The following POLA1 variants were observed in gnomAD, a reference collection of about 807,000 sequenced individuals.
POLA1 encodes the protein DNA polymerase alpha 1, catalytic subunit, also known as DNA polymerase alpha catalytic subunit.
In POLA1, 15 loss-of-function variants were observed where a neutral mutation model predicts 124.0. The observed-to-expected ratio is 0.12, with a 90% confidence interval of 0.08 to 0.19. The LOEUF is 0.19. Ranked by LOEUF, POLA1 falls within the 10% of genes least tolerant of loss-of-function variation. POLA1 has a pLI of 1.00. For missense variants in POLA1, 886 were observed against 1,103.4 expected (o/e 0.80, Z 2.79); for synonymous variants, 408 against 389.4 (o/e 1.05, Z -0.56).
At chrX:24,930,281 GCTATAT>G (rs1454656025) in intron 35 of POLA1, among the ~76,000 whole-genome samples, 166 bp from the exon 36 acceptor site, 2 of 111,924 alleles carry the variant, frequency 1.8e-5, no homozygotes, top group Non-Finnish European at 3.8e-5. Flanking sequence ...AGGTGTATAT[GCTATAT>G]AAGAGGGACA....
chrX:24,841,396 T>C (rs1195164074), intron 32 of POLA1, among the ~76,000 whole-genome samples: 1 of 112,253 alleles, frequency 8.9e-6, no homozygotes, highest in African/African-American at 3.2e-5. Flanking sequence ...AAGAGAATAA[T>C]AAAAAACATC....
intron 15 of POLA1, among the ~76,000 whole-genome samples, chrX:24,728,664 G>A (rs1386548825): frequency 9.0e-6 from 1 of 111,674 alleles, no homozygotes; most frequent in Non-Finnish European, 1.9e-5. Flanking sequence ...TTGCTTTGTT[G>A]TGGTGTCATT....
intron 34 of POLA1, among the ~76,000 whole-genome samples, chrX:24,884,151 TAAAA>T (rs1044319387): frequency 9.0e-6 from 1 of 111,505 alleles, no homozygotes; most frequent in African/African-American, 3.3e-5. Flanking sequence ...TTATTTTTAT[TAAAA>T]AAAATTTTTT....
chrX:24,722,796 G>A (rs1432290389), intron 10 of POLA1, among the ~76,000 whole-genome samples: 2 of 111,819 alleles, frequency 1.8e-5, no homozygotes, highest in Admixed American at 9.4e-5. Context: ...CAAGCGATCT[G>A]CCCACCTCGG....
At chrX:24,981,416 C>A (rs746248867) in intron 36 of POLA1, among the ~76,000 whole-genome samples, 2 of 112,322 alleles carry the variant, frequency 1.8e-5, no homozygotes, top group Admixed American at 9.4e-5. Context: ...TGCCATCAAA[C>A]CAAATTTGCT....
intron 35 of POLA1, among the ~76,000 whole-genome samples, chrX:24,902,334 C>T (rs1295518467): frequency 9.0e-6 from 1 of 111,691 alleles, no homozygotes; most frequent in Non-Finnish European, 1.9e-5. Flanking sequence ...GCTTCTGCTT[C>T]GAAGGTAGAG....
chrX:24,835,110 C>T (rs1391397464), intron 32 of POLA1, among the ~76,000 whole-genome samples: 4 of 107,438 alleles, frequency 3.7e-5, no homozygotes, highest in African/African-American at 1.4e-4. Context: ...TGCAGTGGTG[C>T]GATCTCGGAT....
intron 26 of POLA1, among the ~76,000 whole-genome samples, chrX:24,772,899 A>G (rs965759070): frequency 8.9e-6 from 1 of 112,026 alleles, no homozygotes; most frequent in Non-Finnish European, 1.9e-5. Context: ...TTGCAGCACT[A>G]TTCACAATAG....
chrX:24,967,528 G>A (rs939062798), intron 36 of POLA1, among the ~76,000 whole-genome samples: 1 of 110,089 alleles, frequency 9.1e-6, no homozygotes, highest in Non-Finnish European at 1.9e-5. Context: ...AGTTGCAGTC[G>A]TGCATGCCTG....
intron 34 of POLA1, among the ~76,000 whole-genome samples, chrX:24,883,651 G>A (rs1191144230): frequency 8.9e-6 from 1 of 112,157 alleles, no homozygotes; most frequent in African/African-American, 3.2e-5. Context: ...TTTGGTAAAG[G>A]TTTGTTTTGC....
In POLA1 at chrX:24,971,407, C is replaced by G. The variant is rs189500563; in HGVS notation, c.4262-24398C>G. On this transcript the variant is annotated intron_variant, in intron 36 of 36. Coordinates refer to ENST00000379068, the MANE Select transcript of POLA1 (RefSeq NM_001330360.2). ...CTCATCAAAACTGCAAGAAAGAAAG[C>G]CTCTTTTGATGAGCAGTTGTACTAC... Among the ~76,000 whole-genome samples the G allele has an allele frequency of 4.4e-5, 5 of 112,778 alleles. No homozygotes were observed. The Admixed American group carries it at 4.7e-4, about 10-fold the overall frequency.
intron 36 of POLA1, among the ~76,000 whole-genome samples, chrX:24,964,130 A>G (rs1431565006): frequency 8.9e-6 from 1 of 112,028 alleles, no homozygotes; most frequent in Non-Finnish European, 1.9e-5. Flanking sequence ...TTCTTGAAAA[A>G]TAGTTGAACA....
intron 34 of POLA1, among the ~76,000 whole-genome samples, chrX:24,854,310 A>G (rs920742440): frequency 9.0e-6 from 1 of 110,729 alleles, no homozygotes. Flanking sequence ...TCAACCTCCC[A>G]AAGTGCTGGG....
intron 32 of POLA1, among the ~76,000 whole-genome samples, chrX:24,835,052 T>C (rs1204148122): frequency 9.2e-6 from 1 of 108,558 alleles, no homozygotes; most frequent in East Asian, 2.9e-4. Context: ...CATTTCCTTT[T>C]TTTTTTTTTT....
At chrX:24,734,726 G>T (rs867383846) in intron 17 of POLA1, among the ~76,000 whole-genome samples, 2 of 110,952 alleles carry the variant, frequency 1.8e-5, no homozygotes. Flanking sequence ...AGGGATTCTC[G>T]TGCCTCAGCC....
intron 34 of POLA1, among the ~76,000 whole-genome samples, chrX:24,865,683 C>T (rs139689640): frequency 0.027 from 2,961 of 111,175 alleles, 95 homozygotes; most frequent in African/African-American, 0.089. Flanking sequence ...TAAACCTGGG[C>T]ACTTACTAAA....
intron 36 of POLA1, among the ~76,000 whole-genome samples, chrX:24,967,215 T>G (rs2048232966): frequency 3.7e-5 from 1 of 27,008 alleles, no homozygotes; most frequent in Non-Finnish European, 6.2e-5. Flanking sequence ...AAACATATTT[T>G]TAACTGTTTT....
In POLA1 at chrX:24,844,206, A is replaced by G. The variant is rs145009939; in HGVS notation, c.4047+529A>G. Among the ~76,000 whole-genome samples, 290 of 112,003 alleles carry G rather than the reference A, an allele frequency of 2.6e-3. 1 individual carries two copies. Among genetic ancestry groups the G allele is most frequent in the Non-Finnish European group, 4.2e-3 (224 of 53,102 alleles). On this transcript the variant is annotated intron_variant, in intron 34 of 36. Coordinates refer to ENST00000379068, the MANE Select transcript of POLA1 (RefSeq NM_001330360.2). Reference sequence around the variant, plus strand: ...TTAAATGCAGTTTTTCTGGCATTCAAAAGAGAATATCTAATTTTTATAAAT... The same window carrying G: ...TTAAATGCAGTTTTTCTGGCATTCAGAAGAGAATATCTAATTTTTATAAAT...
intron 34 of POLA1, among the ~76,000 whole-genome samples, chrX:24,885,738 A>G (rs1340638328): frequency 9.0e-6 from 1 of 111,060 alleles, no homozygotes; most frequent in Non-Finnish European, 1.9e-5. Flanking sequence ...GTTAGCCAGG[A>G]TGGTCTCCAT....
Sources: gnomAD v4.1 joint callset for allele counts (sites outside exome capture counted in the v4.1 genomes callset) on GRCh38, gnomAD v4.1.1 for gene constraint, MANE v1.5 for transcripts, NCBI Gene and HGNC (gene_info 2026-07-23, HGNC 2026-07-21) for gene names.